Variants in RAB3GAP1 observed in about 807,000 individuals in gnomAD.
RAB3GAP1 encodes the protein RAB3 GTPase activating protein catalytic subunit 1, also known as rab3 GTPase-activating protein catalytic subunit.
Under a neutral mutation model 130.7 loss-of-function variants are expected in RAB3GAP1, and 86 were observed. That is an observed-to-expected ratio of 0.66 (90% CI 0.55 to 0.79). The LOEUF is 0.79. Ranked by LOEUF, RAB3GAP1 falls within the 30% of genes least tolerant of loss-of-function variation. The pLI is 0.00. For missense variants in RAB3GAP1, 1,029 were observed against 1,169.4 expected (o/e 0.88, Z 1.75); for synonymous variants, 367 against 401.7 (o/e 0.91, Z 1.03).
chr2:135,119,485 C>G (rs1454255946), intron 7 of RAB3GAP1, among the ~76,000 whole-genome samples: 3 of 152,098 alleles, frequency 2.0e-5, no homozygotes, highest in Admixed American at 2.0e-4. Context: ...GTCAAAGTGG[C>G]CTTGTTATGG....
Position 135,137,515 on chromosome 2 carries a change from T to G in RAB3GAP1, c.1923+1583T>G, listed in dbSNP as rs137907140. Reference sequence around the variant, plus strand: ...ACAGCTGGATTAAAATAAGCATCAGTTTCATTAAAAAGGGCTAACTTGAAG... The same window carrying G: ...ACAGCTGGATTAAAATAAGCATCAGGTTCATTAAAAAGGGCTAACTTGAAG... On this transcript the variant is annotated intron_variant, in intron 17 of 23. Coordinates refer to ENST00000264158, the MANE Select transcript of RAB3GAP1 (RefSeq NM_012233.3). 4.9e-4 allele frequency among the ~76,000 whole-genome samples: 74 copies of G among 152,264 alleles called. 1 individual carries two copies. In the East Asian group the frequency reaches 0.011, roughly 23 times the overall value.
chr2:135,130,527 A>G (rs774533535), intron 12 of RAB3GAP1, 25 bp from the exon 13 acceptor site: 4 of 1,586,168 alleles, frequency 2.5e-6, no homozygotes, highest in Non-Finnish European at 3.5e-6. Context: ...GATATAATTT[A>G]TATTTATTTC....
intron 18 of RAB3GAP1, chr2:135,152,947 A>G (rs1001648738): frequency 7.2e-5 from 11 of 152,496 alleles, no homozygotes; most frequent in South Asian, 6.2e-4. Context: ...CATTAATTCT[A>G]TAGAACTATC....
At chr2:135,142,929 A>T (rs1302425531) in intron 17 of RAB3GAP1, among the ~76,000 whole-genome samples, 1 of 148,616 alleles carries the variant, frequency 6.7e-6, no homozygotes, top group Non-Finnish European at 1.5e-5. Context: ...TGTCAGAGGT[A>T]TTGACCTTTA....
rs1178768820 is a variant in RAB3GAP1 at position 135,135,830 on chromosome 2, A to G, written c.1821A>G (p.Gly607=). The G allele has an allele frequency of 2.5e-6, 4 of 1,614,030 alleles. No homozygotes were observed. The highest frequency in any genetic ancestry group is 2.2e-5 in the East Asian group (1 of 44,886). The stretch of plus-strand genomic sequence containing the variant: ...GACAAGAGAGTGGCAAGAAAGGAGG[A>G]CCTAAGGAGATGGCAAATTTAAGGC... ...GNGQESGKKG[G]PKEMANLRPE... The change falls in exon 17 of 24, where the codon GGA becomes GGG. Residue 607 remains glycine, a synonymous_variant. Transcript: ENST00000264158.
intron 5 of RAB3GAP1, among the ~76,000 whole-genome samples, chr2:135,106,357 C>T (rs1286136709): frequency 6.6e-6 from 1 of 152,222 alleles, no homozygotes; most frequent in Non-Finnish European, 1.5e-5. Flanking sequence ...CAGATTGTTG[C>T]TGTGTCTGTG....
chr2:135,065,934 C>G (rs2104834339), intron 3 of RAB3GAP1, among the ~76,000 whole-genome samples: 1 of 152,098 alleles, frequency 6.6e-6, no homozygotes, highest in Middle Eastern at 3.4e-3. Context: ...CCATGCCCAG[C>G]TAATTTTTTT....
intron 14 of RAB3GAP1, 54 bp from the exon 15 acceptor site, chr2:135,133,807 T>C: frequency 2.7e-6 from 4 of 1,490,150 alleles, no homozygotes; most frequent in East Asian, 2.3e-5. Flanking sequence ...TTCAGTTATA[T>C]GTGTAAAATA....
chr2:135,053,191 A>G (rs1011956836), intron 2 of RAB3GAP1, among the ~76,000 whole-genome samples: 36 of 152,284 alleles, frequency 2.4e-4, no homozygotes, highest in Admixed American at 2.3e-3. Flanking sequence ...TGCCCAGGCT[A>G]GTCTTGAACT....
At chr2:135,097,226 T>C (rs1690324264) in intron 5 of RAB3GAP1, among the ~76,000 whole-genome samples, 1 of 151,542 alleles carries the variant, frequency 6.6e-6, no homozygotes, top group Non-Finnish European at 1.5e-5. Flanking sequence ...CTTTTTTTTT[T>C]TTTTTTAAAG....
chr2:135,141,600 C>A (rs1301172695), intron 17 of RAB3GAP1, among the ~76,000 whole-genome samples: 1 of 152,036 alleles, frequency 6.6e-6, no homozygotes, highest in Non-Finnish European at 1.5e-5. Flanking sequence ...CCTTGTTTTT[C>A]TTATGTGGTT....
chr2:135,057,478 T>C (rs1247060705), intron 2 of RAB3GAP1, among the ~76,000 whole-genome samples: 2 of 152,212 alleles, frequency 1.3e-5, no homozygotes, highest in African/African-American at 2.4e-5. Flanking sequence ...GTCCGCTCAC[T>C]GCAACGTCCG....
Position 135,132,917 on chromosome 2 carries a change from C to T in RAB3GAP1, c.1259C>T (p.Ser420Phe). ...ILLFLFPDAV[S>F]EKPLDGTTST... is the part of the protein sequence containing the mutation. Reference sequence around the variant, plus strand: ...AAGTTCTTATTCCCTGATGCTGTTTCTGAGAAACCATTAGATGGAACTACT... The same window carrying T: ...AAGTTCTTATTCCCTGATGCTGTTTTTGAGAAACCATTAGATGGAACTACT... Residue 420 changes from serine to phenylalanine, a missense_variant, in exon 14 of 24, where the codon TCT becomes TTT. Around this residue, in one of 3 missense-constraint regions of RAB3GAP1, gnomAD observed 510 missense variants for 532.1 expected, o/e 0.96. Transcript: ENST00000264158. 1 of 1,575,406 alleles carries T rather than the reference C, an allele frequency of 6.3e-7. No individual in the cohort carries two copies.
chr2:135,081,361 T>TATATATATATATATATATACACAC (rs1216831944), intron 3 of RAB3GAP1, among the ~76,000 whole-genome samples: 1 of 71,268 alleles, frequency 1.4e-5, no homozygotes, highest in Admixed American at 2.1e-4. Context: ...TATATATATA[T>TATATATATATATATATATACACAC]ACACACACGT....
At chr2:135,151,416 T>C (rs1470632576) in intron 18 of RAB3GAP1, among the ~76,000 whole-genome samples, 1 of 152,220 alleles carries the variant, frequency 6.6e-6, no homozygotes, top group African/African-American at 2.4e-5. Flanking sequence ...ACCTGTGTAT[T>C]ATTTTTAAAC....
chr2:135,061,550 C>T (rs1393528513), intron 3 of RAB3GAP1, among the ~76,000 whole-genome samples: 1 of 152,016 alleles, frequency 6.6e-6, no homozygotes, highest in Non-Finnish European at 1.5e-5. Flanking sequence ...TAATATTGAC[C>T]ACTTTGAATT....
chr2:135,132,859 G>A (rs1486374628), intron 13 of RAB3GAP1, 36 bp from the exon 14 acceptor site: 44 of 1,188,840 alleles, frequency 3.7e-5, no homozygotes, highest in Non-Finnish European at 4.8e-5. Context: ...AGGAAATGTG[G>A]TCTAAAATGT....
At chr2:135,110,706 A>T (rs1690778062) in intron 5 of RAB3GAP1, among the ~76,000 whole-genome samples, 1 of 152,228 alleles carries the variant, frequency 6.6e-6, no homozygotes, top group African/African-American at 2.4e-5. Context: ...TATTATAGAG[A>T]TATAGATGTA....
intron 22 of RAB3GAP1, among the ~76,000 whole-genome samples, chr2:135,163,944 T>C (rs901712644): frequency 6.6e-6 from 1 of 152,248 alleles, no homozygotes; most frequent in African/African-American, 2.4e-5. Context: ...AATGTCTTCC[T>C]TTTAAATGAG....
Sources: gnomAD v4.1 joint callset for allele counts (sites outside exome capture counted in the v4.1 genomes callset) on GRCh38, gnomAD v4.1.1 for gene constraint, gnomAD v4.1.1 regional missense constraint, MANE v1.5 for transcripts, NCBI Gene and HGNC (gene_info 2026-07-23, HGNC 2026-07-21) for gene names.